RGS7: variants seen among roughly 807,000 people sequenced by gnomAD.
RGS7 encodes the protein regulator of G protein signaling 7.
A neutral mutation model predicts 81.1 loss-of-function variants in RGS7; 27 were observed. The observed-to-expected ratio is 0.33, with a 90% CI of 0.25 to 0.46. The LOEUF is 0.46. RGS7 is among the 20% of genes least tolerant of loss of function. The pLI, the probability that RGS7 is intolerant of heterozygous loss-of-function variation, is 1.00. For synonymous variants in RGS7, 208 were observed against 207.7 expected (o/e 1.00, Z -0.01); for missense variants, 396 against 607.4 (o/e 0.65, Z 3.66).
intron 2 of RGS7, among the ~76,000 whole-genome samples, chr1:241,282,581 C>T (rs930652256): frequency 3.9e-5 from 6 of 152,254 alleles, no homozygotes; most frequent in East Asian, 3.9e-4. Flanking sequence ...ATTGCACTGG[C>T]TAAAACCTCA....
chr1:240,783,671 A>C (rs1332071406), intron 18 of RGS7, among the ~76,000 whole-genome samples: 2 of 152,080 alleles, frequency 1.3e-5, no homozygotes, highest in East Asian at 3.9e-4. Context: ...TTGGTCTTAA[A>C]GTAATAACAG....
At chr1:241,042,646 C>T (rs1558637668) in intron 3 of RGS7, among the ~76,000 whole-genome samples, 1 of 151,146 alleles carries the variant, frequency 6.6e-6, no homozygotes, top group South Asian at 2.1e-4. Context: ...GTCCCTTGGC[C>T]GGGCCGGGCT....
intron 2 of RGS7, among the ~76,000 whole-genome samples, chr1:241,214,350 C>T (rs1230865626): frequency 1.3e-5 from 2 of 152,186 alleles, no homozygotes; most frequent in African/African-American, 2.4e-5. Flanking sequence ...TGCCTGGTCT[C>T]AATTATCCAA....
chr1:240,985,359 T>C (rs1685497906), intron 3 of RGS7, among the ~76,000 whole-genome samples: 1 of 152,244 alleles, frequency 6.6e-6, no homozygotes, highest in Non-Finnish European at 1.5e-5. Flanking sequence ...ACATATTTTT[T>C]ATTGTGAAAA....
chr1:241,033,170 G>A (rs550275773), intron 3 of RGS7, among the ~76,000 whole-genome samples: 9 of 152,282 alleles, frequency 5.9e-5, no homozygotes, highest in African/African-American at 2.2e-4. Flanking sequence ...GGCCAACATG[G>A]TGAAACCCCA....
chr1:240,908,426 T>C (rs1374957474), intron 6 of RGS7, among the ~76,000 whole-genome samples: 1 of 151,926 alleles, frequency 6.6e-6, no homozygotes, highest in Non-Finnish European at 1.5e-5. Context: ...CCTACACAAA[T>C]GAATGAATGA....
chr1:241,032,870 A>T (rs750344482), intron 3 of RGS7, among the ~76,000 whole-genome samples: 18 of 152,212 alleles, frequency 1.2e-4, no homozygotes, highest in Non-Finnish European at 2.2e-4. Flanking sequence ...ACAATCAAAT[A>T]GTCTTTTGGA....
At chr1:241,270,436 T>C (rs1473561714) in intron 2 of RGS7, among the ~76,000 whole-genome samples, 1 of 152,212 alleles carries the variant, frequency 6.6e-6, no homozygotes, top group Non-Finnish European at 1.5e-5. Flanking sequence ...GTTCCTTGCA[T>C]TGCAAATCCT....
chr1:241,203,496 C>T (rs1224932779), intron 2 of RGS7, among the ~76,000 whole-genome samples: 1 of 152,150 alleles, frequency 6.6e-6, no homozygotes, highest in East Asian at 1.9e-4. Context: ...TCCCAAAGTG[C>T]TGGGATTACA....
intron 2 of RGS7, among the ~76,000 whole-genome samples, chr1:241,151,789 C>T (rs780822065): frequency 2.6e-5 from 4 of 151,926 alleles, no homozygotes; most frequent in African/African-American, 4.8e-5. Flanking sequence ...ATAAAGTTTG[C>T]ATTAGAAGAG....
chr1:241,028,156 C>T (rs531810754), intron 3 of RGS7, among the ~76,000 whole-genome samples: 1 of 152,258 alleles, frequency 6.6e-6, no homozygotes, highest in African/African-American at 2.4e-5. Flanking sequence ...ACCAGCCTTC[C>T]CTCCCTTTCA....
intron 18 of RGS7, among the ~76,000 whole-genome samples, chr1:240,789,168 G>T: frequency 6.7e-6 from 1 of 150,340 alleles, no homozygotes; most frequent in Non-Finnish European, 1.5e-5. Context: ...AACATAAATT[G>T]TGAAGATTTC....
intron 9 of RGS7, among the ~76,000 whole-genome samples, chr1:240,829,881 G>A (rs994154480): frequency 1.3e-5 from 2 of 152,158 alleles, no homozygotes; most frequent in East Asian, 3.9e-4. Context: ...TTAAGGGGTG[G>A]GAAAAATTAG....
At chr1:241,099,870 T>G (rs528775764) in intron 2 of RGS7, among the ~76,000 whole-genome samples, 1 of 152,290 alleles carries the variant, frequency 6.6e-6, no homozygotes, top group South Asian at 2.1e-4. Flanking sequence ...GAAATCTGAG[T>G]AAAGTATGTA....
rs77409481 is a variant in RGS7 at position 241,137,338 on chromosome 1, A to G, written c.79-38576T>C. 8.1e-3 allele frequency among the ~76,000 whole-genome samples: 1,230 copies of G among 152,314 alleles called. 10 individuals carry two copies. Among genetic ancestry groups the G allele is most frequent in the African/African-American group, 0.028 (1,174 of 41,568 alleles). On this transcript the variant is annotated intron_variant, in intron 2 of 18. Transcript: ENST00000440928. ...CTACATTAAAAAACTTTAATGAATT[A>G]TAATTATGAATTATAACCAAATTAA...
intron 2 of RGS7, among the ~76,000 whole-genome samples, chr1:241,275,305 T>C (rs935018574): frequency 6.6e-6 from 1 of 152,228 alleles, no homozygotes; most frequent in Non-Finnish European, 1.5e-5. Flanking sequence ...ATTTAGATTA[T>C]GAGCTAAGAA....
chr1:241,141,101 T>C (rs997737867), intron 2 of RGS7, among the ~76,000 whole-genome samples: 1 of 152,220 alleles, frequency 6.6e-6, no homozygotes, highest in Non-Finnish European at 1.5e-5. Context: ...GTGCAATTAC[T>C]CTAAGAACCT....
At chr1:241,083,739 T>C (rs2063283354) in intron 3 of RGS7, among the ~76,000 whole-genome samples, 1 of 152,250 alleles carries the variant, frequency 6.6e-6, no homozygotes, top group Admixed American at 6.5e-5. Context: ...TCTGTTTGTA[T>C]CCTTGAATTT....
At chr1:241,083,286 G>A (rs61832520) in intron 3 of RGS7, among the ~76,000 whole-genome samples, 3 of 109,894 alleles carry the variant, frequency 2.7e-5, no homozygotes, top group African/African-American at 4.0e-5. Flanking sequence ...AACAAAACAA[G>A]ACAAAAAAAA....
Sources: allele counts gnomAD v4.1 joint callset (sites outside exome capture counted in the v4.1 genomes callset), GRCh38; gene constraint gnomAD v4.1.1; transcripts MANE v1.5; gene names NCBI Gene and HGNC (gene_info 2026-07-23, HGNC 2026-07-21).